Variants in LAMC1 observed in about 807,000 individuals in gnomAD.
LAMC1 encodes laminin subunit gamma 1.
In LAMC1, 38 loss-of-function variants were observed where a neutral mutation model predicts 173.6. That is an observed-to-expected ratio of 0.22 (90% CI 0.17 to 0.29). LAMC1 has a LOEUF of 0.29. LAMC1 is among the 10% of genes least tolerant of loss of function. The pLI, the probability that LAMC1 is intolerant of heterozygous loss-of-function variation, is 1.00. For synonymous variants in LAMC1, 746 were observed against 749.1 expected, an observed-to-expected ratio of 1.00 and a Z score of 0.07; for missense variants, 1,824 against 2,051.8, an observed-to-expected ratio of 0.89 and a Z score of 2.14.
At chr1:183,064,599 G>A (rs150195865) in intron 1 of LAMC1, among the ~76,000 whole-genome samples, 19 of 152,276 alleles carry the variant, frequency 1.2e-4, no homozygotes, top group African/African-American at 3.1e-4. Flanking sequence ...AACAGTGGCC[G>A]TAGTGGTGTT....
chr1:183,133,898 T>G (rs556556831), intron 22 of LAMC1, among the ~76,000 whole-genome samples: 5 of 152,256 alleles, frequency 3.3e-5, no homozygotes, highest in Non-Finnish European at 7.3e-5. Context: ...TTTAATGATA[T>G]GAACAATCAC....
In LAMC1 at chr1:183,126,201, T is replaced by C; in HGVS notation, c.2883T>C (p.Thr961=). 6.2e-7 allele frequency: 1 copy of C among 1,614,168 alleles called. No homozygotes were observed. Among genetic ancestry groups the C allele is most frequent in the Non-Finnish European group, 8.5e-7 (1 of 1,179,992 alleles). Residue 961 remains threonine (T), a synonymous_variant, in exon 16 of 28, where the codon ACT becomes ACC. Coordinates refer to ENST00000258341, the MANE Select transcript of LAMC1 (RefSeq NM_002293.4). ...AGTGTGAGTGCCAGCCCGGCATCAC[T>C]GGTCAGCACTGTGAGCGCTGTGAGG... The part of the protein sequence containing the change: ...TGQCECQPGI[T]GQHCERCEVN...
At chr1:183,141,291 A>G (rs1657107977) in intron 27 of LAMC1, 1 of 152,294 alleles carries the variant, frequency 6.6e-6, no homozygotes, top group Admixed American at 6.5e-5. Context: ...CCTGGGCAAC[A>G]GAGCGAAACC....
intron 3 of LAMC1, among the ~76,000 whole-genome samples, chr1:183,109,867 A>G (rs143980579): frequency 3.9e-5 from 6 of 152,260 alleles, no homozygotes; most frequent in Non-Finnish European, 7.4e-5. Context: ...GCTCCAGACA[A>G]CCTCAGGGGA....
intron 1 of LAMC1, among the ~76,000 whole-genome samples, chr1:183,033,738 C>T (rs1653903359): frequency 6.6e-6 from 1 of 152,110 alleles, no homozygotes; most frequent in Non-Finnish European, 1.5e-5. Flanking sequence ...GTTGCCCAGG[C>T]TAGAGTGCAG....
chr1:183,108,369 T>G lies in LAMC1; in HGVS notation c.817T>G (p.Tyr273Asp). Residue 273 changes from tyrosine (Y) to aspartate (D), a missense_variant, in exon 3 of 28, where the codon TAT (tyrosine) becomes GAT (aspartate). By Grantham distance (160) the Tyr-to-Asp change is radical. Transcript: ENST00000258341. ...TAACGATCCCAAAGTTCTCAAGTCC[T>G]ATTATTATGCCATCTCTGATTTTGC... Reference protein sequence around the residue: ...VFNDPKVLKSYYYAISDFAVG... With the variant: ...VFNDPKVLKSDYYAISDFAVG... 1 of 1,613,456 alleles carries G rather than the reference T, an allele frequency of 6.2e-7. No individual in the cohort carries two copies. The highest frequency in any genetic ancestry group is 8.5e-7 in the Non-Finnish European group (1 of 1,179,550).
At chr1:183,033,493 A>G (rs145210109) in intron 1 of LAMC1, among the ~76,000 whole-genome samples, 57 of 152,290 alleles carry the variant, frequency 3.7e-4, no homozygotes, top group African/African-American at 1.3e-3. Context: ...TGTGTGGCAT[A>G]TGCTTTGGTC....
At chr1:183,125,253 C>A in intron 14 of LAMC1, 144 bp from the exon 15 acceptor site, 1 of 768,860 alleles carries the variant, frequency 1.3e-6, no homozygotes, top group Non-Finnish European at 2.2e-6. Context: ...ACTCACCAGC[C>A]ACATTTAAAG....
rs769681059 is a variant in LAMC1, at chr1:183,024,004, G to C, written c.288G>C (p.Gln96His). The change falls in exon 1 of 28, where the codon CAG (glutamine) becomes CAC (histidine). Residue 96 changes from glutamine (Q) to histidine (H), a missense_variant. By Grantham distance (24) the Gln-to-His change is conservative. Transcript: ENST00000258341. Reference sequence around the variant, plus strand: ...CCTGTCACCTGTGCGACGCCGGGCAGCCCCACCTGCAGCACGGGGCAGCCT... The same window carrying C: ...CCTGTCACCTGTGCGACGCCGGGCACCCCCACCTGCAGCACGGGGCAGCCT... ...TKSCHLCDAG[Q>H]PHLQHGAAFL... 2 of 1,612,998 alleles carry C rather than the reference G, an allele frequency of 1.2e-6. No individual in the cohort carries two copies. The highest frequency in any genetic ancestry group is 2.7e-5 in the African/African-American group (2 of 74,946).
intron 1 of LAMC1, among the ~76,000 whole-genome samples, chr1:183,056,664 C>T (rs1312487935): frequency 2.0e-5 from 3 of 152,202 alleles, no homozygotes; most frequent in African/African-American, 4.8e-5. Flanking sequence ...CGACCACGCT[C>T]ATTATACAGG....
intron 1 of LAMC1, among the ~76,000 whole-genome samples, chr1:183,042,789 C>T (rs1369459001): frequency 1.3e-5 from 2 of 152,158 alleles, no homozygotes; most frequent in Non-Finnish European, 2.9e-5. Flanking sequence ...TTGACCTTTT[C>T]CATTTTCACA....
At chr1:183,048,738 A>T (rs1025801912) in intron 1 of LAMC1, among the ~76,000 whole-genome samples, 3 of 152,162 alleles carry the variant, frequency 2.0e-5, no homozygotes, top group Non-Finnish European at 4.4e-5. Context: ...AATATTTGTT[A>T]TAGTATTGGG....
At chr1:183,122,797 A>G (rs753895128) in intron 13 of LAMC1, among the ~76,000 whole-genome samples, 1 of 152,134 alleles carries the variant, frequency 6.6e-6, no homozygotes, top group African/African-American at 2.4e-5. Context: ...CCCCTTCTCT[A>G]TGGGGTTCTC....
chr1:183,138,946 T>C (rs1174766449), intron 26 of LAMC1, among the ~76,000 whole-genome samples: 1 of 151,844 alleles, frequency 6.6e-6, no homozygotes, highest in Non-Finnish European at 1.5e-5. Flanking sequence ...CCCAGCTACA[T>C]AGGAGGCTGA....
chr1:183,129,149 G>A (rs1268925496), intron 18 of LAMC1, among the ~76,000 whole-genome samples: 6 of 144,960 alleles, frequency 4.1e-5, no homozygotes, highest in Admixed American at 2.8e-4. Context: ...GCAGTGGCGC[G>A]ATCTTGGCTC....
rs968617552 is a variant in LAMC1 at position 183,116,635 on chromosome 1, T to C, written c.1387T>C (p.Cys463Arg). Reference protein sequence around the residue: ...IDECNIETGRCVCKDNVEGFN... With the variant: ...IDECNIETGRRVCKDNVEGFN... ...TGAATGTAATATTGAAACAGGAAGA[T>C]GTGTTTGCAAAGACAATGTCGAAGG... The change falls in exon 7 of 28, where the codon TGT (cysteine) becomes CGT (arginine). Residue 463 changes from cysteine to arginine, a missense_variant. Transcript: ENST00000258341. The C allele has an allele frequency of 3.7e-6, 6 of 1,613,656 alleles. No individual in the cohort carries two copies. Among genetic ancestry groups the C allele is most frequent in the Non-Finnish European group, 8.5e-7 (1 of 1,179,540 alleles).
intron 21 of LAMC1, 93 bp from the exon 22 acceptor site, chr1:183,133,313 G>T: frequency 1.9e-6 from 2 of 1,037,004 alleles, no homozygotes; most frequent in South Asian, 1.9e-5. Context: ...TTGAGGTTTT[G>T]GGCGTATTAT....
intron 1 of LAMC1, among the ~76,000 whole-genome samples, chr1:183,036,289 G>A (rs1653979754): frequency 6.6e-6 from 1 of 151,658 alleles, no homozygotes. Context: ...TAGTAGAGAT[G>A]GGGTTTCGCC....
chr1:183,072,124 G>A (rs1359228042), intron 1 of LAMC1, among the ~76,000 whole-genome samples: 1 of 152,222 alleles, frequency 6.6e-6, no homozygotes, highest in African/African-American at 2.4e-5. Context: ...GGAACTGTTT[G>A]ATTTGGAGCT....
Sources: gnomAD v4.1 joint callset for allele counts (sites outside exome capture counted in the v4.1 genomes callset) on GRCh38, gnomAD v4.1.1 for gene constraint, MANE v1.5 for transcripts, NCBI Gene and HGNC (gene_info 2026-07-23, HGNC 2026-07-21) for gene names.